TUB: variants seen among roughly 807,000 people sequenced by gnomAD.
TUB encodes TUB bipartite transcription factor, also known as tubby protein homolog.
Under a neutral mutation model 59.7 loss-of-function variants are expected in TUB, and 33 were observed. The ratio of observed to expected loss-of-function variants is 0.55; its 90% CI spans 0.42 to 0.74. The LOEUF is 0.74. Ranked by LOEUF, TUB falls within the 30% of genes least tolerant of loss-of-function variation. The pLI is 0.00. For synonymous variants in TUB, 293 were observed against 256.4 expected, an observed-to-expected ratio of 1.14 and a Z score of -1.36; for missense variants, 659 against 672.0, an observed-to-expected ratio of 0.98 and a Z score of 0.21.
chr11:8,069,738 T>C (rs117158962), intron 2 of TUB, among the ~76,000 whole-genome samples: 3,835 of 152,296 alleles, frequency 0.025, 73 homozygotes, highest in Non-Finnish European at 0.036. Context: ...ACCTGGGTTA[T>C]CTAGAGGAAT....
At chr11:8,045,552 C>A (rs149632736) in intron 2 of TUB, among the ~76,000 whole-genome samples, 82 of 152,278 alleles carry the variant, frequency 5.4e-4, no homozygotes, top group African/African-American at 1.7e-3. Flanking sequence ...AAACCTGAAA[C>A]GCTCCAAAAT....
intron 1 of TUB, 27 bp downstream of exon 1, chr11:8,081,575 C>A (rs1943565110): frequency 6.6e-7 from 1 of 1,521,094 alleles, no homozygotes; most frequent in East Asian, 2.7e-5. Flanking sequence ...CCGGGGCGCC[C>A]ACCACTCCCG....
intron 2 of TUB, among the ~76,000 whole-genome samples, chr11:8,053,654 C>G (rs971936295): frequency 9.9e-5 from 15 of 151,434 alleles, no homozygotes; most frequent in Non-Finnish European, 5.9e-5. Flanking sequence ...GCGCCCGCCA[C>G]GACGCCCGGC....
rs748101497 is a variant in TUB, at chr11:8,096,646, TCTC to T, written c.566-33_566-31del. ...GTGTATTTCAGGGGCAGCGTAGACTTCTCCTCCTTCATCCCTTCTTCTTCTCTC... is the reference window on the plus strand; with the variant it reads ...GTGTATTTCAGGGGCAGCGTAGACTTCTCCTTCATCCCTTCTTCTTCTCTC... On this transcript the variant is annotated intron_variant, in intron 5 of 11. Transcript: ENST00000299506. 341 of 1,384,744 alleles carry T rather than the reference TCTC, an allele frequency of 2.5e-4. 3 individuals are homozygous for T. The highest frequency in any genetic ancestry group is 5.2e-4 in the Admixed American group (31 of 59,706). 85.8% of individuals were successfully genotyped at this position (1,384,744 alleles called of 1,614,324 possible).
chr11:8,063,643 A>G (rs777634950), intron 2 of TUB, among the ~76,000 whole-genome samples: 3 of 152,216 alleles, frequency 2.0e-5, no homozygotes, highest in Non-Finnish European at 4.4e-5. Flanking sequence ...TCTTGCTATT[A>G]TAAATATCAT....
intron 7 of TUB, 127 bp downstream of exon 7, chr11:8,097,552 G>A (rs1272029516): frequency 7.9e-6 from 11 of 1,393,066 alleles, no homozygotes; most frequent in African/African-American, 1.4e-5. Context: ...CTGCCTTCGT[G>A]TCTGGTCTGT....
chr11:8,071,531 GT>G (rs1564910390), intron 2 of TUB, among the ~76,000 whole-genome samples: 1 of 152,144 alleles, frequency 6.6e-6, no homozygotes, highest in African/African-American at 2.4e-5. Flanking sequence ...CACTAATGGT[GT>G]TTTTAGATCA....
At chr11:8,100,260 G>A (rs769783421) in intron 9 of TUB, among the ~76,000 whole-genome samples, 1 of 151,152 alleles carries the variant, frequency 6.6e-6, no homozygotes, top group Non-Finnish European at 1.5e-5. Flanking sequence ...GTAGTTTGCC[G>A]GAGCGAGTGG....
chr11:8,036,541 G>C (rs1313747650), upstream of TUB, among the ~76,000 whole-genome samples: 1 of 152,234 alleles, frequency 6.6e-6, no homozygotes, highest in Non-Finnish European at 1.5e-5. Context: ...ATGGAGGACA[G>C]AACTAGGACT....
intron 8 of TUB, 48 bp downstream of exon 8, chr11:8,097,874 G>A (rs1473983860): frequency 6.9e-7 from 1 of 1,448,196 alleles, no homozygotes; most frequent in East Asian, 2.3e-5. Context: ...GGGAGGGGCA[G>A]GGGCAAGCTG....
intron 2 of TUB, chr11:8,075,982 G>A (rs754644424): frequency 2.0e-5 from 3 of 152,188 alleles, no homozygotes; most frequent in Non-Finnish European, 4.4e-5. Flanking sequence ...CCCATCGCTG[G>A]AGTCTCACCC....
chr11:8,067,634 C>T (rs1328137649), intron 2 of TUB: 1 of 152,216 alleles, frequency 6.6e-6, no homozygotes, highest in Non-Finnish European at 1.5e-5. Context: ...ACTGGGGATA[C>T]AGCAGGGAGC....
In TUB at chr11:8,090,145, C is replaced by CCCGGAG. The variant is rs747953382; in HGVS notation, c.172_177dup (p.Ser58_Arg59dup). The CCCGGAG allele has an allele frequency of 9.9e-6, 16 of 1,613,638 alleles. No homozygotes were observed. Among genetic ancestry groups the CCCGGAG allele is most frequent in the Non-Finnish European group, 1.4e-5 (16 of 1,179,886 alleles). On this transcript the variant is annotated inframe_insertion, in exon 3 of 12. Coordinates refer to ENST00000299506, the MANE Select transcript of TUB (RefSeq NM_177972.3). ...GTGCAGGCCAATGCAGATGGGCGGC[C>CCCGGAG]CCGGAGCCGGCGGGCCCGGCAGTCA...
intron 8 of TUB, among the ~76,000 whole-genome samples, chr11:8,098,441 T>C (rs550006897): frequency 1.3e-5 from 2 of 152,304 alleles, no homozygotes; most frequent in East Asian, 3.9e-4. Context: ...TCTTATCAGA[T>C]GCCATTCTGT....
chr11:8,086,106 T>C (rs566444864), intron 1 of TUB, among the ~76,000 whole-genome samples: 210 of 152,296 alleles, frequency 1.4e-3, no homozygotes, highest in African/African-American at 4.8e-3. Context: ...TGTAGGAGAC[T>C]CCAGGGTCAG....
upstream of TUB, among the ~76,000 whole-genome samples, chr11:8,034,839 A>G (rs16935204): frequency 9.0e-3 from 1,377 of 152,230 alleles, 27 homozygotes; most frequent in African/African-American, 0.032. Flanking sequence ...ATGACTCACT[A>G]TCACCCTGTA....
chr11:8,085,391 G>C (rs1943646905), intron 1 of TUB, among the ~76,000 whole-genome samples: 2 of 152,250 alleles, frequency 1.3e-5, no homozygotes, highest in African/African-American at 4.8e-5. Flanking sequence ...GCTGGAATGG[G>C]GACGGCACAT....
chr11:8,092,392 G>T (rs567969255), intron 3 of TUB, among the ~76,000 whole-genome samples: 9 of 151,646 alleles, frequency 5.9e-5, no homozygotes, highest in Non-Finnish European at 1.2e-4. Flanking sequence ...CTGCAATCCA[G>T]CAAGAAAAAA....
chr11:8,020,781 A>G (rs1393831889), intron 1 of TUB, among the ~76,000 whole-genome samples: 1 of 152,202 alleles, frequency 6.6e-6, no homozygotes, highest in Admixed American at 6.5e-5. Flanking sequence ...CTATTATTGG[A>G]GTATTAAACT....
Sources: gnomAD v4.1 joint callset for allele counts (sites outside exome capture counted in the v4.1 genomes callset) on GRCh38, gnomAD v4.1.1 for gene constraint, MANE v1.5 for transcripts, NCBI Gene and HGNC (gene_info 2026-07-23, HGNC 2026-07-21) for gene names.